The following IL1RAPL1 variants were observed in gnomAD, a reference collection of about 807,000 sequenced individuals.
IL1RAPL1 encodes the protein interleukin 1 receptor accessory protein like 1.
In IL1RAPL1, 3 loss-of-function variants were observed where a neutral mutation model predicts 48.4. The ratio of observed to expected loss-of-function variants is 0.06; its 90% CI spans 0.03 to 0.16. IL1RAPL1 has a LOEUF of 0.16. Among genes scored for constraint, IL1RAPL1 ranks in the 10% least tolerant of loss-of-function variants. The pLI is 1.00. For synonymous variants in IL1RAPL1, 185 were observed against 187.7 expected, an observed-to-expected ratio of 0.99 and a Z score of 0.12; for missense variants, 349 against 530.6, an observed-to-expected ratio of 0.66 and a Z score of 3.36.
At chrX:29,646,967 TC>T (rs1360791796) in intron 5 of IL1RAPL1, among the ~76,000 whole-genome samples, 1 of 112,034 alleles carries the variant, frequency 8.9e-6, no homozygotes, top group East Asian at 2.8e-4. Flanking sequence ...AGGAACTTCT[TC>T]AAGCTGAAAG....
intron 5 of IL1RAPL1, among the ~76,000 whole-genome samples, chrX:29,512,807 T>C (rs935916649): frequency 8.9e-6 from 1 of 111,770 alleles, no homozygotes. Context: ...ACAGTCAGAA[T>C]GTAGATAAGC....
chrX:28,731,893 A>T (rs184159520), intron 1 of IL1RAPL1, among the ~76,000 whole-genome samples: 7 of 112,146 alleles, frequency 6.2e-5, no homozygotes, highest in Middle Eastern at 4.6e-3. Context: ...GCATGAGACC[A>T]GAGTGGAGGA....
At chrX:29,925,573 T>A (rs1932883357) in intron 8 of IL1RAPL1, among the ~76,000 whole-genome samples, 1 of 107,900 alleles carries the variant, frequency 9.3e-6, no homozygotes, top group Non-Finnish European at 1.9e-5. Context: ...GGCCTCATTC[T>A]GTTGCCCAGG....
intron 2 of IL1RAPL1, among the ~76,000 whole-genome samples, chrX:28,863,172 G>A (rs1195782248): frequency 9.0e-6 from 1 of 111,478 alleles, no homozygotes; most frequent in African/African-American, 3.3e-5. Flanking sequence ...GAGCCACTGC[G>A]CCTGGTCTCA....
chrX:29,702,503 G>A (rs1927081083), intron 6 of IL1RAPL1, among the ~76,000 whole-genome samples: 1 of 111,822 alleles, frequency 8.9e-6, no homozygotes, highest in South Asian at 3.8e-4. Context: ...ACTCCTCCCT[G>A]CCTCTGTGTT....
At chrX:29,364,325 G>A (rs1261397872) in intron 3 of IL1RAPL1, among the ~76,000 whole-genome samples, 3 of 109,526 alleles carry the variant, frequency 2.7e-5, no homozygotes, top group African/African-American at 1.0e-4. Flanking sequence ...TTGGGAGGTC[G>A]AGATGAGCAG....
chrX:29,021,215 G>GAAAAAAAAAAAAAA (rs746008500), intron 2 of IL1RAPL1, among the ~76,000 whole-genome samples: 62 of 41,893 alleles, frequency 1.5e-3, no homozygotes, highest in Non-Finnish European at 1.7e-3. Context: ...CCGTCTCAAG[G>GAAAAAAAAAAAAAA]AAAAAAAAAA....
chrX:28,628,883 C>T (rs1041440105), intron 1 of IL1RAPL1, among the ~76,000 whole-genome samples: 5 of 112,100 alleles, frequency 4.5e-5, no homozygotes, highest in African/African-American at 1.6e-4. Flanking sequence ...GCAGTTTAGC[C>T]TTGCATTATC....
intron 3 of IL1RAPL1, among the ~76,000 whole-genome samples, chrX:29,306,530 G>GAAAAAA (rs1166748708): frequency 5.8e-3 from 193 of 33,405 alleles, no homozygotes; most frequent in Non-Finnish European, 6.8e-3. Flanking sequence ...TCTGTCAAAA[G>GAAAAAA]AAAAAAAAAA....
At chrX:29,406,253 G>A (rs1934066969) in intron 5 of IL1RAPL1, among the ~76,000 whole-genome samples, 1 of 110,477 alleles carries the variant, frequency 9.1e-6, no homozygotes, top group Admixed American at 9.6e-5. Flanking sequence ...GCCGGGCGTG[G>A]TGGTGGGCGC....
intron 2 of IL1RAPL1, among the ~76,000 whole-genome samples, chrX:28,829,558 ATT>A (rs36082731): frequency 0.057 from 4,627 of 80,780 alleles, 257 homozygotes; most frequent in East Asian, 0.25. Flanking sequence ...GGGTGCTGGA[ATT>A]TTTTTTTTTT....
intron 5 of IL1RAPL1, among the ~76,000 whole-genome samples, chrX:29,562,094 T>TA (rs1275535240): frequency 1.4e-5 from 1 of 69,310 alleles, no homozygotes; most frequent in African/African-American, 6.2e-5. Context: ...TCTATCTGTC[T>TA]ATCTATCTAT....
intron 6 of IL1RAPL1, among the ~76,000 whole-genome samples, chrX:29,686,704 C>G (rs1926633020): frequency 9.2e-6 from 1 of 108,883 alleles, no homozygotes; most frequent in Non-Finnish European, 1.9e-5. Context: ...ACTACAGGCG[C>G]CCGCCACCAC....
chrX:29,396,709 A>C (rs1038896033), intron 4 of IL1RAPL1, among the ~76,000 whole-genome samples: 1 of 111,823 alleles, frequency 8.9e-6, no homozygotes, highest in African/African-American at 3.3e-5. Context: ...TTTCAAGTCT[A>C]CTATGGTCTG....
At chrX:28,737,167 TTCCTTCCTTC>T (rs1569161822) in intron 1 of IL1RAPL1, among the ~76,000 whole-genome samples, 8 of 76,612 alleles carry the variant, frequency 1.0e-4, no homozygotes, top group East Asian at 4.5e-4. Flanking sequence ...CCTTCCTTCC[TTCCTTCCTTC>T]CTTTCTTTCC....
chrX:28,695,175 T>C (rs142052100), intron 1 of IL1RAPL1, among the ~76,000 whole-genome samples: 290 of 111,411 alleles, frequency 2.6e-3, no homozygotes, highest in African/African-American at 9.1e-3. Flanking sequence ...TATTTTTACT[T>C]TTTACCTCAT....
chrX:28,642,630 A>G (rs1424141060), intron 1 of IL1RAPL1, among the ~76,000 whole-genome samples: 1 of 112,078 alleles, frequency 8.9e-6, no homozygotes, highest in East Asian at 2.8e-4. Context: ...GACACAACTT[A>G]CTAGAATCTC....
At chrX:29,885,706 C>T (rs1219495052) in intron 6 of IL1RAPL1, among the ~76,000 whole-genome samples, 1 of 111,363 alleles carries the variant, frequency 9.0e-6, no homozygotes, top group Non-Finnish European at 1.9e-5. Context: ...GTAGTCCGAG[C>T]TACTCGGGAA....
chrX:29,008,470 G>A (rs1310437140), intron 2 of IL1RAPL1, among the ~76,000 whole-genome samples: 1 of 111,941 alleles, frequency 8.9e-6, no homozygotes, highest in Non-Finnish European at 1.9e-5. Flanking sequence ...GCCACCGCGC[G>A]TGGCCCGGGC....
Sources: allele counts gnomAD v4.1 joint callset (sites outside exome capture counted in the v4.1 genomes callset), GRCh38; gene constraint gnomAD v4.1.1; transcripts MANE v1.5; gene names NCBI Gene and HGNC (gene_info 2026-07-23, HGNC 2026-07-21).